Variants in NKAIN2 observed in about 807,000 individuals in gnomAD.
NKAIN2 encodes the protein sodium/potassium-transporting ATPase subunit beta-1-interacting protein 2.
Under a neutral mutation model 32.6 loss-of-function variants are expected in NKAIN2, and 14 were observed. The ratio of observed to expected loss-of-function variants is 0.43; its 90% CI spans 0.28 to 0.67. The LOEUF (loss-of-function observed/expected upper bound fraction) is 0.67, where lower values mean the gene tolerates loss of function less well. Ranked by LOEUF, NKAIN2 falls within the 30% of genes least tolerant of loss-of-function variation. The pLI is 0.17. For synonymous variants in NKAIN2, 80 were observed against 87.2 expected (o/e 0.92, Z 0.46); for missense variants, 198 against 258.3 (o/e 0.77, Z 1.60).
At chr6:124,507,444 C>T (rs1778530097) in intron 3 of NKAIN2, among the ~76,000 whole-genome samples, 1 of 152,118 alleles carries the variant, frequency 6.6e-6, no homozygotes, top group Non-Finnish European at 1.5e-5. Context: ...TTTATTCTTA[C>T]ATCAGGACCA....
intron 3 of NKAIN2, among the ~76,000 whole-genome samples, chr6:124,446,156 A>C (rs1775883486): frequency 6.6e-6 from 1 of 152,210 alleles, no homozygotes; most frequent in African/African-American, 2.4e-5. Context: ...ATTATGTTGA[A>C]AGCAAACACT....
intron 1 of NKAIN2, among the ~76,000 whole-genome samples, chr6:124,060,200 G>A (rs1037101631): frequency 6.6e-6 from 1 of 152,124 alleles, no homozygotes; most frequent in Non-Finnish European, 1.5e-5. Flanking sequence ...AATCACATTT[G>A]GCTTTCAGAG....
chr6:123,815,298 A>C (rs1471945928), intron 1 of NKAIN2, among the ~76,000 whole-genome samples: 6 of 152,182 alleles, frequency 3.9e-5, no homozygotes, highest in African/African-American at 2.4e-5. Context: ...ATTTATACTT[A>C]CTGTAAATAA....
At chr6:123,983,817 C>T (rs1779013237) in intron 1 of NKAIN2, among the ~76,000 whole-genome samples, 1 of 151,680 alleles carries the variant, frequency 6.6e-6, no homozygotes, top group Non-Finnish European at 1.5e-5. Flanking sequence ...AAATTTTATG[C>T]AGTTGTTCTT....
At chr6:124,421,397 C>A (rs1583226274) in intron 3 of NKAIN2, among the ~76,000 whole-genome samples, 1 of 152,086 alleles carries the variant, frequency 6.6e-6, no homozygotes, top group East Asian at 1.9e-4. Flanking sequence ...TCTCAGTTAC[C>A]CAGAACCTAT....
intron 1 of NKAIN2, among the ~76,000 whole-genome samples, chr6:123,870,498 C>T (rs1054321310): frequency 6.6e-6 from 1 of 152,092 alleles, no homozygotes; most frequent in Non-Finnish European, 1.5e-5. Context: ...GACTGAGCAA[C>T]GATTGATGTT....
chr6:124,146,688 AAC>A (rs1787426298), intron 1 of NKAIN2, among the ~76,000 whole-genome samples: 1 of 152,232 alleles, frequency 6.6e-6, no homozygotes, highest in African/African-American at 2.4e-5. Flanking sequence ...GAAATGAATA[AAC>A]ACACTCATAT....
chr6:124,596,747 A>G (rs574493429), intron 3 of NKAIN2, among the ~76,000 whole-genome samples: 11 of 152,090 alleles, frequency 7.2e-5, no homozygotes, highest in Admixed American at 2.0e-4. Context: ...CTATATATAC[A>G]TGTATATACA....
In NKAIN2 at chr6:123,950,741, C is replaced by G. The variant is rs1040761410; in HGVS notation, c.54+146487C>G. Among the ~76,000 whole-genome samples, 10 of 152,000 alleles carry G rather than the reference C, an allele frequency of 6.6e-5. No homozygotes were observed. In the East Asian group the frequency reaches 1.7e-3, roughly 26 times the overall value. On this transcript the variant is annotated intron_variant, in intron 1 of 6. Coordinates refer to ENST00000368417, the MANE Select transcript of NKAIN2 (RefSeq NM_001040214.3). ...TTTGTTTATCTTTTCAAAAAACCAG[C>G]TTTTCATTTGATTGTTCCTTTGTGT...
At chr6:124,803,937 A>G (rs1264476165) in intron 5 of NKAIN2, among the ~76,000 whole-genome samples, 2 of 152,230 alleles carry the variant, frequency 1.3e-5, no homozygotes, top group African/African-American at 2.4e-5. Flanking sequence ...ACCTCTACGT[A>G]TTACACACAT....
At chr6:124,744,231 TC>T (rs903564561) in intron 4 of NKAIN2, among the ~76,000 whole-genome samples, 1 of 151,756 alleles carries the variant, frequency 6.6e-6, no homozygotes, top group Non-Finnish European at 1.5e-5. Context: ...AACACACATA[TC>T]CCCCTGGCTT....
At chr6:124,288,705 T>C (rs1320107522) in intron 2 of NKAIN2, among the ~76,000 whole-genome samples, 1 of 152,182 alleles carries the variant, frequency 6.6e-6, no homozygotes, top group East Asian at 1.9e-4. Flanking sequence ...CCATTATAAT[T>C]ATATGTTAAA....
chr6:123,886,205 C>T (rs772370392), intron 1 of NKAIN2, among the ~76,000 whole-genome samples: 1 of 151,936 alleles, frequency 6.6e-6, no homozygotes, highest in Non-Finnish European at 1.5e-5. Flanking sequence ...GCAGAAGTTG[C>T]TAAAAACATT....
chr6:124,770,207 T>G (rs1366110107), intron 4 of NKAIN2, among the ~76,000 whole-genome samples: 2 of 152,200 alleles, frequency 1.3e-5, no homozygotes, highest in Non-Finnish European at 2.9e-5. Context: ...ACTGCCTAAC[T>G]AAATCTTGCA....
chr6:124,009,576 T>G (rs3861387), intron 1 of NKAIN2, among the ~76,000 whole-genome samples: 134,803 of 152,142 alleles, frequency 0.89, 59,998 homozygotes, highest in East Asian at 0.98. Context: ...GTGTTCACGT[T>G]CCAAATGGGT....
intron 1 of NKAIN2, among the ~76,000 whole-genome samples, chr6:124,147,006 ATATAT>A (rs1787441232): frequency 1.3e-5 from 2 of 152,158 alleles, no homozygotes; most frequent in African/African-American, 4.8e-5. Context: ...TAAACTCTTA[ATATAT>A]TACATCTGTT....
At chr6:123,863,627 G>GC (rs1232069170) in intron 1 of NKAIN2, among the ~76,000 whole-genome samples, 1 of 151,454 alleles carries the variant, frequency 6.6e-6, no homozygotes, top group African/African-American at 2.5e-5. Context: ...GGCCCTCTTG[G>GC]CCTGTGGGCA....
At chr6:124,001,296 T>A (rs763888743) in intron 1 of NKAIN2, among the ~76,000 whole-genome samples, 7 of 152,102 alleles carry the variant, frequency 4.6e-5, no homozygotes, top group Non-Finnish European at 8.8e-5. Context: ...TGTGATAACT[T>A]GCTAAAGCTA....
At chr6:124,139,949 A>G (rs1787052276) in intron 1 of NKAIN2, among the ~76,000 whole-genome samples, 1 of 152,220 alleles carries the variant, frequency 6.6e-6, no homozygotes, top group South Asian at 2.1e-4. Flanking sequence ...GCTGACACTT[A>G]TGCACAGATG....
Sources: gnomAD v4.1 joint callset for allele counts (sites outside exome capture counted in the v4.1 genomes callset) on GRCh38, gnomAD v4.1.1 for gene constraint, MANE v1.5 for transcripts, NCBI Gene and HGNC (gene_info 2026-07-23, HGNC 2026-07-21) for gene names.